Variants in CLSTN2 observed in about 807,000 individuals in gnomAD.
The protein encoded by CLSTN2 is calsyntenin-2.
A neutral mutation model predicts 101.2 loss-of-function variants in CLSTN2; 48 were observed. The observed-to-expected ratio is 0.47, with a 90% CI of 0.38 to 0.60. The LOEUF is 0.60. Ranked by LOEUF, CLSTN2 falls within the 20% of genes least tolerant of loss-of-function variation. The probability of loss-of-function intolerance (pLI) is 0.00; values close to 1 mark genes in which losing one functional copy is unlikely to be tolerated. For synonymous variants in CLSTN2, 481 were observed against 463.6 expected, an observed-to-expected ratio of 1.04 and a Z score of -0.48; for missense variants, 1,160 against 1,238.2, an observed-to-expected ratio of 0.94 and a Z score of 0.95.
intron 1 of CLSTN2, among the ~76,000 whole-genome samples, chr3:140,122,256 T>A (rs2009354818): frequency 6.6e-6 from 1 of 152,198 alleles, no homozygotes. Flanking sequence ...CAGGAACTTG[T>A]CAATGCATCT....
intron 1 of CLSTN2, among the ~76,000 whole-genome samples, chr3:140,138,868 G>A (rs1347415210): frequency 6.6e-6 from 1 of 152,188 alleles, no homozygotes; most frequent in Non-Finnish European, 1.5e-5. Context: ...TTTTTAAGAG[G>A]CAGTGTCGGC....
intron 1 of CLSTN2, among the ~76,000 whole-genome samples, chr3:140,155,303 A>G (rs1325452676): frequency 1.3e-5 from 2 of 152,128 alleles, no homozygotes; most frequent in African/African-American, 4.8e-5. Context: ...GAATGGCAAA[A>G]CTTGCTGATA....
chr3:140,159,181 G>A (rs1363257915), intron 1 of CLSTN2, among the ~76,000 whole-genome samples: 7 of 151,892 alleles, frequency 4.6e-5, no homozygotes, highest in African/African-American at 1.7e-4. Context: ...TTGACAGATG[G>A]GACCTAATTA....
intron 8 of CLSTN2, among the ~76,000 whole-genome samples, chr3:140,484,017 G>T (rs1291158378): frequency 6.6e-6 from 1 of 152,122 alleles, no homozygotes; most frequent in East Asian, 1.9e-4. Context: ...GATGTTAGCT[G>T]GTTATTTTGC....
intron 1 of CLSTN2, among the ~76,000 whole-genome samples, chr3:140,072,509 G>A (rs984218643): frequency 6.6e-6 from 1 of 152,124 alleles, no homozygotes; most frequent in Non-Finnish European, 1.5e-5. Context: ...TTAAAGTGTT[G>A]ATGCTGTGTT....
At chr3:140,233,755 G>T (rs1047011833) in intron 2 of CLSTN2, among the ~76,000 whole-genome samples, 2 of 152,138 alleles carry the variant, frequency 1.3e-5, no homozygotes, top group African/African-American at 4.8e-5. Context: ...CATCCAGCTG[G>T]TTTTTTAATA....
chr3:140,299,941 G>A (rs540390569), intron 2 of CLSTN2, among the ~76,000 whole-genome samples: 1 of 152,256 alleles, frequency 6.6e-6, no homozygotes, highest in South Asian at 2.1e-4. Flanking sequence ...GAATGGTTGG[G>A]AGAATGCCAC....
chr3:140,318,121 G>T (rs1313799421), intron 2 of CLSTN2, among the ~76,000 whole-genome samples: 2 of 152,148 alleles, frequency 1.3e-5, no homozygotes, highest in African/African-American at 4.8e-5. Context: ...TGGAGCCACG[G>T]TGCCTGGCTC....
chr3:140,130,089 G>T (rs545063336), intron 1 of CLSTN2, among the ~76,000 whole-genome samples: 2 of 152,340 alleles, frequency 1.3e-5, no homozygotes, highest in South Asian at 4.1e-4. Context: ...ACTCCTGCAT[G>T]TTGCAATGTG....
At chr3:140,314,210 A>T (rs1467368257) in intron 2 of CLSTN2, among the ~76,000 whole-genome samples, 1 of 152,184 alleles carries the variant, frequency 6.6e-6, no homozygotes, top group Non-Finnish European at 1.5e-5. Flanking sequence ...CCTAGGAAAA[A>T]GTTGGGTAAA....
rs141403711 is a variant in CLSTN2 at position 140,298,526 on chromosome 3, C to T, written c.233-105103C>T. Among the ~76,000 whole-genome samples, 872 of 152,234 alleles carry T rather than the reference C, an allele frequency of 5.7e-3. 9 individuals carry two copies. Among genetic ancestry groups the T allele is most frequent in the Non-Finnish European group, 7.4e-3 (500 of 68,018 alleles). On this transcript the variant is annotated intron_variant, in intron 2 of 16. Coordinates refer to ENST00000458420, the MANE Select transcript of CLSTN2 (RefSeq NM_022131.3). ...TCTATGATAAAAAATGTTGAGGACA[C>T]ATAGGGAAGCTGCTTGTAGTATGTC...
intron 1 of CLSTN2, among the ~76,000 whole-genome samples, chr3:140,173,236 C>T (rs2010267085): frequency 6.6e-6 from 1 of 152,210 alleles, no homozygotes; most frequent in Non-Finnish European, 1.5e-5. Context: ...CTACAGGGCC[C>T]ATGCAAGTCC....
intron 1 of CLSTN2, among the ~76,000 whole-genome samples, chr3:139,999,085 GC>G: frequency 6.6e-6 from 1 of 152,118 alleles, no homozygotes; most frequent in Non-Finnish European, 1.5e-5. Flanking sequence ...GCTGGTGCCA[GC>G]CCTTTGGAGA....
At chr3:140,490,367 A>G (rs1023454932) in intron 8 of CLSTN2, among the ~76,000 whole-genome samples, 2 of 150,986 alleles carry the variant, frequency 1.3e-5, no homozygotes, top group African/African-American at 4.9e-5. Context: ...TGCTAGACAC[A>G]TCCCCAGAAG....
chr3:140,261,075 G>A (rs968221145), intron 2 of CLSTN2, among the ~76,000 whole-genome samples: 4 of 152,148 alleles, frequency 2.6e-5, no homozygotes, highest in African/African-American at 4.8e-5. Flanking sequence ...AGGTCTCCTC[G>A]CTATAAAGTT....
chr3:140,199,776 A>C (rs1444187823), intron 2 of CLSTN2, among the ~76,000 whole-genome samples: 1 of 152,188 alleles, frequency 6.6e-6, no homozygotes, highest in African/African-American at 2.4e-5. Context: ...ATGTTCTCCA[A>C]AGTGTGGGAA....
At chr3:140,036,167 A>T (rs190128942) in intron 1 of CLSTN2, among the ~76,000 whole-genome samples, 2 of 152,324 alleles carry the variant, frequency 1.3e-5, no homozygotes, top group Admixed American at 1.3e-4. Flanking sequence ...TGCCTGGCCT[A>T]GGATTCAGTA....
chr3:140,188,813 C>A (rs1019357745), intron 2 of CLSTN2, among the ~76,000 whole-genome samples: 8 of 152,170 alleles, frequency 5.3e-5, no homozygotes, highest in African/African-American at 1.9e-4. Context: ...GTGATAACAT[C>A]ACGCAAAGCT....
chr3:140,236,015 T>C (rs188827087), intron 2 of CLSTN2, among the ~76,000 whole-genome samples: 231 of 152,216 alleles, frequency 1.5e-3, no homozygotes, highest in African/African-American at 5.4e-3. Context: ...CTGCAACTCA[T>C]TCTGTGTCCC....
Sources: allele counts gnomAD v4.1 joint callset (sites outside exome capture counted in the v4.1 genomes callset), GRCh38; gene constraint gnomAD v4.1.1; transcripts MANE v1.5; gene names NCBI Gene and HGNC (gene_info 2026-07-23, HGNC 2026-07-21).